The following LRRTM4 variants were observed in gnomAD, a reference collection of about 807,000 sequenced individuals.
LRRTM4 encodes the protein leucine rich repeat transmembrane neuronal 4.
LRRTM4 carries 25 observed loss-of-function variants against 47.6 expected under a neutral mutation model. The ratio of observed to expected loss-of-function variants is 0.53; its 90% CI spans 0.38 to 0.73. The LOEUF (loss-of-function observed/expected upper bound fraction) is 0.73, where lower values mean the gene tolerates loss of function less well. LRRTM4 is among the 30% of genes least tolerant of loss of function. The pLI, the probability that LRRTM4 is intolerant of heterozygous loss-of-function variation, is 0.00. For missense variants in LRRTM4, 638 were observed against 713.4 expected (o/e 0.89, Z 1.20); for synonymous variants, 311 against 269.5 (o/e 1.15, Z -1.51).
At chr2:76,899,714 C>A (rs758916197) in intron 3 of LRRTM4, among the ~76,000 whole-genome samples, 4 of 152,084 alleles carry the variant, frequency 2.6e-5, no homozygotes, top group Non-Finnish European at 5.9e-5. Flanking sequence ...ATTACGTATG[C>A]ATTTACAACT....
intron 3 of LRRTM4, among the ~76,000 whole-genome samples, chr2:77,476,294 T>G (rs941370137): frequency 6.6e-6 from 1 of 152,122 alleles, no homozygotes; most frequent in Non-Finnish European, 1.5e-5. Flanking sequence ...ACCTTAATAC[T>G]TTCTAGTTGT....
intron 3 of LRRTM4, among the ~76,000 whole-genome samples, chr2:77,150,906 A>C (rs1672398973): frequency 6.6e-6 from 1 of 152,130 alleles, no homozygotes. Flanking sequence ...TCCATCATTA[A>C]TTTAAAATTA....
chr2:76,964,133 T>C (rs1675948436), intron 3 of LRRTM4, among the ~76,000 whole-genome samples: 2 of 150,990 alleles, frequency 1.3e-5, no homozygotes, highest in African/African-American at 2.4e-5. Flanking sequence ...CCTAAACCCC[T>C]ATGAGCCAAA....
chr2:76,783,755 G>A (rs1266310377), intron 3 of LRRTM4, among the ~76,000 whole-genome samples: 1 of 152,046 alleles, frequency 6.6e-6, no homozygotes, highest in Non-Finnish European at 1.5e-5. Context: ...TGCTCCACTT[G>A]GATATTTCTT....
At chr2:77,271,075 C>T (rs1676178997) in intron 3 of LRRTM4, among the ~76,000 whole-genome samples, 1 of 152,120 alleles carries the variant, frequency 6.6e-6, no homozygotes, top group African/African-American at 2.4e-5. Flanking sequence ...ACAATCTGCC[C>T]TTGTCATACC....
intron 3 of LRRTM4, among the ~76,000 whole-genome samples, chr2:76,807,457 T>TACAC (rs1200705518): frequency 1.1e-5 from 1 of 94,212 alleles, no homozygotes; most frequent in South Asian, 3.7e-4. Context: ...TATATATATA[T>TACAC]ACATATATAT....
At chr2:77,335,970 TG>T (rs1213540300) in intron 3 of LRRTM4, among the ~76,000 whole-genome samples, 1 of 152,016 alleles carries the variant, frequency 6.6e-6, no homozygotes, top group Non-Finnish European at 1.5e-5. Flanking sequence ...CAAAAATGAA[TG>T]GGAGTAACTG....
chr2:77,284,384 A>G (rs1676593959), intron 3 of LRRTM4, among the ~76,000 whole-genome samples: 1 of 152,150 alleles, frequency 6.6e-6, no homozygotes, highest in Admixed American at 6.6e-5. Context: ...TGGTAATTAC[A>G]TTTTATTTCA....
At chr2:76,805,029 T>C (rs1463591050) in intron 3 of LRRTM4, among the ~76,000 whole-genome samples, 1 of 152,120 alleles carries the variant, frequency 6.6e-6, no homozygotes, top group Non-Finnish European at 1.5e-5. Flanking sequence ...ACCTTTGTTT[T>C]ATTTTTTATT....
chr2:77,304,177 G>A (rs1242335170), intron 3 of LRRTM4, among the ~76,000 whole-genome samples: 2 of 152,090 alleles, frequency 1.3e-5, no homozygotes, highest in African/African-American at 2.4e-5. Flanking sequence ...TTGGGATTTT[G>A]CTCTGCATTT....
chr2:76,895,745 T>C (rs996664951), intron 3 of LRRTM4, among the ~76,000 whole-genome samples: 6 of 151,810 alleles, frequency 4.0e-5, no homozygotes, highest in East Asian at 3.9e-4. Flanking sequence ...GAAAAATACA[T>C]TGGTGGTGAT....
intron 3 of LRRTM4, among the ~76,000 whole-genome samples, chr2:77,479,764 T>C (rs1677593640): frequency 6.6e-6 from 1 of 151,870 alleles, no homozygotes; most frequent in Non-Finnish European, 1.5e-5. Flanking sequence ...CTCTCTCTCT[T>C]TCTCTTCTCT....
At chr2:76,985,376 A>T (rs1264021251) in intron 3 of LRRTM4, among the ~76,000 whole-genome samples, 1 of 152,032 alleles carries the variant, frequency 6.6e-6, no homozygotes, top group Non-Finnish European at 1.5e-5. Context: ...GTTTGCTTTC[A>T]GCTTAGAGCC....
At chr2:76,770,443 T>C (rs1196179895) in intron 3 of LRRTM4, among the ~76,000 whole-genome samples, 1 of 152,180 alleles carries the variant, frequency 6.6e-6, no homozygotes, top group African/African-American at 2.4e-5. Context: ...AGTAGTGTAA[T>C]GTTCTGGAGG....
chr2:77,055,879 C>T (rs535433149), intron 3 of LRRTM4, among the ~76,000 whole-genome samples: 3,032 of 150,996 alleles, frequency 0.02, 104 homozygotes, highest in African/African-American at 0.071. Context: ...GATGAGTTCA[C>T]GTCCTTTGTA....
At chr2:76,801,163 G>C (rs929217507) in intron 3 of LRRTM4, among the ~76,000 whole-genome samples, 7 of 152,066 alleles carry the variant, frequency 4.6e-5, no homozygotes, top group Non-Finnish European at 8.8e-5. Context: ...CCATTACTGG[G>C]TATATACCCA....
intron 3 of LRRTM4, among the ~76,000 whole-genome samples, chr2:76,794,897 T>A (rs1474706787): frequency 6.6e-6 from 1 of 152,092 alleles, no homozygotes; most frequent in African/African-American, 2.4e-5. Flanking sequence ...ACCACAGTTG[T>A]AGAAAAATTA....
At chr2:77,078,739 C>A (rs954706760) in intron 3 of LRRTM4, among the ~76,000 whole-genome samples, 2 of 152,158 alleles carry the variant, frequency 1.3e-5, no homozygotes, top group Admixed American at 1.3e-4. Context: ...GTACAAACTT[C>A]TGTTAAAATT....
At chr2:77,468,541 C>G (rs903268906) in intron 3 of LRRTM4, among the ~76,000 whole-genome samples, 1 of 152,190 alleles carries the variant, frequency 6.6e-6, no homozygotes, top group Non-Finnish European at 1.5e-5. Flanking sequence ...GGCGTCAAGT[C>G]CCCATTGTGC....
Sources: gnomAD v4.1 joint callset for allele counts (sites outside exome capture counted in the v4.1 genomes callset) on GRCh38, gnomAD v4.1.1 for gene constraint, MANE v1.5 for transcripts, NCBI Gene and HGNC (gene_info 2026-07-23, HGNC 2026-07-21) for gene names.